The following CFAP299 variants were observed in gnomAD, a reference collection of about 807,000 sequenced individuals.
CFAP299 encodes cilia- and flagella-associated protein 299.
CFAP299 carries 21 observed loss-of-function variants against 27.0 expected under a neutral mutation model. The observed-to-expected ratio is 0.78, with a 90% CI of 0.55 to 1.12. CFAP299 has a LOEUF of 1.12. Ranked by LOEUF, CFAP299 falls within the 50% of genes most tolerant of loss-of-function variation. CFAP299 has a pLI of 0.00. For synonymous variants in CFAP299, 104 were observed against 98.1 expected (o/e 1.06, Z -0.36); for missense variants, 310 against 276.6 (o/e 1.12, Z -0.86).
At chr4:80,665,625 A>G (rs978156765) in intron 3 of CFAP299, among the ~76,000 whole-genome samples, 7 of 152,212 alleles carry the variant, frequency 4.6e-5, no homozygotes, top group African/African-American at 1.7e-4. Flanking sequence ...ATATTTTCAT[A>G]TAATGTTTTT....
chr4:80,450,695 CAA>C (rs1728858677), intron 2 of CFAP299, among the ~76,000 whole-genome samples: 1 of 151,598 alleles, frequency 6.6e-6, no homozygotes, highest in Non-Finnish European at 1.5e-5. Flanking sequence ...TCATATATGT[CAA>C]AGTTTGTCCA....
intron 2 of CFAP299, among the ~76,000 whole-genome samples, chr4:80,492,209 G>C (rs1731171102): frequency 6.6e-6 from 1 of 152,156 alleles, no homozygotes; most frequent in Admixed American, 6.5e-5. Flanking sequence ...GATGTCTCAT[G>C]CCTCTCTAAC....
In CFAP299 at chr4:80,925,881, G is replaced by T. The variant is rs545017752; in HGVS notation, c.477-18929G>T. Among the ~76,000 whole-genome samples the T allele has an allele frequency of 1.1e-4, 17 of 152,168 alleles. No individual in the cohort carries two copies. The East Asian group carries it at 3.3e-3, about 29-fold the overall frequency. ...GTAAGTTCTAGAAATAGTCCAATAA[G>T]GTGTTGTTCCTACCCTTATGGGGCT... On this transcript the variant is annotated intron_variant, in intron 4 of 5. Coordinates refer to ENST00000358105, the MANE Select transcript of CFAP299 (RefSeq NM_152770.3).
chr4:80,499,186 C>A (rs1302441257), intron 2 of CFAP299, among the ~76,000 whole-genome samples: 2 of 152,044 alleles, frequency 1.3e-5, no homozygotes, highest in African/African-American at 2.4e-5. Context: ...CAAACCCCTA[C>A]AACATGAGAT....
chr4:80,780,087 G>T (rs1049479658), intron 3 of CFAP299, among the ~76,000 whole-genome samples: 26 of 151,676 alleles, frequency 1.7e-4, no homozygotes, highest in African/African-American at 6.0e-4. Context: ...TTTATGCTTT[G>T]ATTCATACTT....
At chr4:80,332,851 G>C (rs1050577900), upstream of CFAP299, among the ~76,000 whole-genome samples, 1 of 152,040 alleles carries the variant, frequency 6.6e-6, no homozygotes, top group Admixed American at 6.6e-5. Context: ...GGAGTTTTAG[G>C]GTAGAGGCTG....
chr4:80,545,834 G>A (rs1734202251), intron 2 of CFAP299, among the ~76,000 whole-genome samples: 1 of 152,070 alleles, frequency 6.6e-6, no homozygotes, highest in African/African-American at 2.4e-5. Flanking sequence ...AAACATAGAT[G>A]CAAAAATGCT....
intron 4 of CFAP299, among the ~76,000 whole-genome samples, chr4:80,886,192 T>C (rs1733960798): frequency 6.6e-6 from 1 of 152,198 alleles, no homozygotes; most frequent in Admixed American, 6.5e-5. Flanking sequence ...CACAGTAGAA[T>C]AGAATATCAG....
intron 2 of CFAP299, among the ~76,000 whole-genome samples, chr4:80,575,558 G>T (rs770744887): frequency 5.3e-5 from 8 of 151,614 alleles, no homozygotes; most frequent in South Asian, 2.1e-4. Flanking sequence ...AGTCTGGCTA[G>T]AGGTTTGCTG....
At chr4:80,635,689 G>A (rs1739439613) in intron 3 of CFAP299, among the ~76,000 whole-genome samples, 1 of 152,084 alleles carries the variant, frequency 6.6e-6, no homozygotes, top group Non-Finnish European at 1.5e-5. Flanking sequence ...TATTTTACAT[G>A]ATCACTTACC....
intron 2 of CFAP299, among the ~76,000 whole-genome samples, chr4:80,485,769 A>G (rs1255332910): frequency 6.6e-6 from 1 of 152,188 alleles, no homozygotes; most frequent in African/African-American, 2.4e-5. Context: ...TTATCTGAAT[A>G]TATTTTAATG....
chr4:80,462,356 A>G (rs1241686954), intron 2 of CFAP299, among the ~76,000 whole-genome samples: 1 of 152,152 alleles, frequency 6.6e-6, no homozygotes, highest in Non-Finnish European at 1.5e-5. Context: ...AGCAGACTAT[A>G]GTAATCTACT....
At chr4:80,816,263 C>A (rs926935660) in intron 3 of CFAP299, among the ~76,000 whole-genome samples, 1 of 152,012 alleles carries the variant, frequency 6.6e-6, no homozygotes, top group Admixed American at 6.6e-5. Context: ...TCTTCCAAAT[C>A]TAGAGCCAAT....
At chr4:80,814,878 T>A (rs1257001475) in intron 3 of CFAP299, among the ~76,000 whole-genome samples, 1 of 152,042 alleles carries the variant, frequency 6.6e-6, no homozygotes, top group African/African-American at 2.4e-5. Context: ...AAAGTCTGCA[T>A]TGAAAATTCT....
At chr4:80,866,098 T>TGTATATATATATATA (rs1732730238) in intron 3 of CFAP299, among the ~76,000 whole-genome samples, 1 of 124,432 alleles carries the variant, frequency 8.0e-6, no homozygotes, top group African/African-American at 2.8e-5. Context: ...TATATATATC[T>TGTATATATATATATA]TCCCAAATCT....
At chr4:80,579,319 A>G (rs1736048985) in intron 2 of CFAP299, among the ~76,000 whole-genome samples, 3 of 152,220 alleles carry the variant, frequency 2.0e-5, no homozygotes, top group African/African-American at 7.2e-5. Context: ...TTGGCTCTTA[A>G]TGTGCAAAAG....
At chr4:80,481,534 A>T (rs1730569599) in intron 2 of CFAP299, among the ~76,000 whole-genome samples, 1 of 152,068 alleles carries the variant, frequency 6.6e-6, no homozygotes, top group South Asian at 2.1e-4. Flanking sequence ...ATAATGTGGA[A>T]TTTTTTTCTT....
At chr4:80,713,872 G>T (rs1209115639) in intron 3 of CFAP299, among the ~76,000 whole-genome samples, 1 of 152,142 alleles carries the variant, frequency 6.6e-6, no homozygotes, top group Non-Finnish European at 1.5e-5. Context: ...CTTTGTGGCT[G>T]CTTTTGCATT....
chr4:80,485,143 C>G (rs1261929756), intron 2 of CFAP299, among the ~76,000 whole-genome samples: 2 of 151,878 alleles, frequency 1.3e-5, no homozygotes, highest in African/African-American at 4.8e-5. Flanking sequence ...TTTCACAGCA[C>G]CACCAATGAC....
Sources: gnomAD v4.1 joint callset for allele counts (sites outside exome capture counted in the v4.1 genomes callset) on GRCh38, gnomAD v4.1.1 for gene constraint, MANE v1.5 for transcripts, NCBI Gene and HGNC (gene_info 2026-07-23, HGNC 2026-07-21) for gene names.